The following SGMS1 variants were observed in gnomAD, a reference collection of about 807,000 sequenced individuals.
SGMS1 encodes the protein phosphatidylcholine:ceramide cholinephosphotransferase 1.
In SGMS1, 13 loss-of-function variants were observed where a neutral mutation model predicts 46.2. The observed-to-expected ratio is 0.28, with a 90% CI of 0.18 to 0.45. The LOEUF (loss-of-function observed/expected upper bound fraction) is 0.45, where lower values mean the gene tolerates loss of function less well. SGMS1 is among the 20% of genes least tolerant of loss of function. SGMS1 has a pLI of 1.00. For missense variants in SGMS1, 324 were observed against 519.9 expected (o/e 0.62, Z 3.66); for synonymous variants, 203 against 187.8 (o/e 1.08, Z -0.66).
chr10:50,312,370 G>A (rs1159517955), intron 8 of SGMS1, among the ~76,000 whole-genome samples: 1 of 149,426 alleles, frequency 6.7e-6, no homozygotes, highest in Non-Finnish European at 1.5e-5. Flanking sequence ...GGCAGATGGA[G>A]CACACCACAC....
At chr10:50,393,303 G>A (rs1001696352) in intron 6 of SGMS1, among the ~76,000 whole-genome samples, 2 of 151,994 alleles carry the variant, frequency 1.3e-5, no homozygotes, top group African/African-American at 4.8e-5. Context: ...AGAAAAATAC[G>A]TCCAATTTCT....
intron 3 of SGMS1, among the ~76,000 whole-genome samples, chr10:50,480,177 G>T (rs948950801): frequency 5.3e-5 from 8 of 151,974 alleles, no homozygotes; most frequent in African/African-American, 1.9e-4. Context: ...TACCTCACAG[G>T]AGAGTACCTC....
At chr10:50,601,829 C>T (rs1838652697) in intron 1 of SGMS1, among the ~76,000 whole-genome samples, 1 of 152,152 alleles carries the variant, frequency 6.6e-6, no homozygotes, top group South Asian at 2.1e-4. Flanking sequence ...GGGAATGGGA[C>T]CCAAGTCTAC....
At chr10:50,492,743 T>C (rs1471543026) in intron 3 of SGMS1, among the ~76,000 whole-genome samples, 1 of 152,144 alleles carries the variant, frequency 6.6e-6, no homozygotes, top group Non-Finnish European at 1.5e-5. Context: ...ACCAATCTGA[T>C]TCAATGCTTT....
intron 6 of SGMS1, among the ~76,000 whole-genome samples, chr10:50,432,123 T>A (rs1230883099): frequency 6.6e-6 from 1 of 152,176 alleles, no homozygotes; most frequent in East Asian, 1.9e-4. Flanking sequence ...CTTAGAAATG[T>A]CTTCACAACA....
Position 50,365,255 on chromosome 10 carries a change from CAAAAAA to C in SGMS1, c.-231-20916_-231-20911del, listed in dbSNP as rs67951872. ...GCGACGGAGTGAGACTCCATCTCAC[CAAAAAA>C]AAAAAAAAAAAAAAAAAGCAACTAA... On this transcript the variant is annotated intron_variant, in intron 6 of 10. Transcript: ENST00000361781. Among the ~76,000 whole-genome samples the C allele has an allele frequency of 7.3e-4, 33 of 45,032 alleles. No homozygotes were observed. In the East Asian group the frequency reaches 0.013, roughly 18 times the overall value. The allele number at this position is 45,032 out of a possible 152,430, so 29.5% of individuals were successfully genotyped here.
rs1395424049 is a variant in SGMS1 at position 50,308,140 on chromosome 10, G to A, written c.904C>T (p.Arg302Trp). The A allele has an allele frequency of 8.1e-6, 13 of 1,612,902 alleles. No homozygotes were observed. Among genetic ancestry groups the A allele is most frequent in the African/African-American group, 2.7e-5 (2 of 74,856 alleles). The change falls in exon 10 of 11, where the codon CGG becomes TGG. Residue 302 changes from arginine (R) to tryptophan (W), a missense_variant. Physicochemically the swap from Arg to Trp is moderately radical, Grantham distance 101. Around this residue, in one of 2 missense-constraint regions of SGMS1, gnomAD observed 174 missense variants for 350.1 expected, o/e 0.50. Coordinates refer to ENST00000361781, the MANE Select transcript of SGMS1 (RefSeq NM_147156.4). Reference protein sequence around the residue: ...TYLFIKEYSPRRLWWYHWICW... With the variant: ...TYLFIKEYSPWRLWWYHWICW... Reference sequence around the variant, plus strand: ...ATCCAGTGATACCACCAGAGTCGCCGAGGGGAATCTGAAAGGGGGAGAGAT... The same window carrying A: ...ATCCAGTGATACCACCAGAGTCGCCAAGGGGAATCTGAAAGGGGGAGAGAT...
At chr10:50,574,416 G>C (rs934627462) in intron 2 of SGMS1, among the ~76,000 whole-genome samples, 5 of 152,084 alleles carry the variant, frequency 3.3e-5, no homozygotes, top group Non-Finnish European at 2.9e-5. Flanking sequence ...AATCATCAGG[G>C]AAATGCAAAT....
intron 3 of SGMS1, among the ~76,000 whole-genome samples, chr10:50,501,938 A>G (rs1038945143): frequency 2.0e-5 from 3 of 152,234 alleles, no homozygotes; most frequent in Non-Finnish European, 4.4e-5. Flanking sequence ...TTCACTGTCC[A>G]TCATTGTTGT....
chr10:50,438,597 A>G (rs974696234), intron 5 of SGMS1, among the ~76,000 whole-genome samples: 5 of 152,234 alleles, frequency 3.3e-5, no homozygotes, highest in African/African-American at 1.2e-4. Context: ...AAACTGTGAG[A>G]TAATTTTGTG....
At chr10:50,453,224 G>A (rs1041741357) in intron 5 of SGMS1, among the ~76,000 whole-genome samples, 3 of 151,930 alleles carry the variant, frequency 2.0e-5, no homozygotes, top group Non-Finnish European at 4.4e-5. Context: ...ATTTCAATAA[G>A]AGAAATTTAA....
chr10:50,415,622 G>T (rs1849159393), intron 6 of SGMS1, among the ~76,000 whole-genome samples: 1 of 152,064 alleles, frequency 6.6e-6, no homozygotes, highest in South Asian at 2.1e-4. Context: ...AATATTTCAT[G>T]GTATTTCATG....
At chr10:50,341,256 T>C (rs1409494203) in intron 7 of SGMS1, 2 of 449,768 alleles carry the variant, frequency 4.4e-6, no homozygotes, top group Admixed American at 2.4e-5. Context: ...TTATCCATCT[T>C]CACTGCTTGA....
intron 6 of SGMS1, among the ~76,000 whole-genome samples, chr10:50,403,410 AG>A (rs1398500552): frequency 6.6e-6 from 1 of 152,188 alleles, no homozygotes; most frequent in Non-Finnish European, 1.5e-5. Context: ...TCTAGACTCT[AG>A]GGGTACATTT....
intron 6 of SGMS1, among the ~76,000 whole-genome samples, chr10:50,367,433 A>G (rs972134491): frequency 6.6e-6 from 1 of 152,230 alleles, no homozygotes; most frequent in African/African-American, 2.4e-5. Context: ...TTCTAAATTC[A>G]TGGCGCTTAA....
chr10:50,433,186 A>AAATT (rs1294101531), intron 6 of SGMS1, among the ~76,000 whole-genome samples: 4 of 152,246 alleles, frequency 2.6e-5, no homozygotes, highest in Admixed American at 1.3e-4. Context: ...AGCTTAATTT[A>AAATT]AATGCTGACC....
intron 7 of SGMS1, among the ~76,000 whole-genome samples, chr10:50,333,861 T>C (rs1451757377): frequency 6.6e-6 from 1 of 152,230 alleles, no homozygotes; most frequent in Non-Finnish European, 1.5e-5. Flanking sequence ...GTACATATAC[T>C]ATGTGTTTTT....
At chr10:50,407,867 C>G (rs565731894) in intron 6 of SGMS1, among the ~76,000 whole-genome samples, 1 of 151,898 alleles carries the variant, frequency 6.6e-6, no homozygotes, top group African/African-American at 2.4e-5. Context: ...AAAATGGATC[C>G]AGCGCCTTAA....
At chr10:50,576,514 A>G (rs1241511044) in intron 2 of SGMS1, among the ~76,000 whole-genome samples, 1 of 152,184 alleles carries the variant, frequency 6.6e-6, no homozygotes. Flanking sequence ...CTCCAAAAGC[A>G]GGGGGAGTCC....
Sources: gnomAD v4.1 joint callset for allele counts (sites outside exome capture counted in the v4.1 genomes callset) on GRCh38, gnomAD v4.1.1 for gene constraint, gnomAD v4.1.1 regional missense constraint, MANE v1.5 for transcripts, NCBI Gene and HGNC (gene_info 2026-07-23, HGNC 2026-07-21) for gene names.